PDE4D: variants seen among roughly 807,000 people sequenced by gnomAD.
The protein encoded by PDE4D is 3',5'-cyclic-AMP phosphodiesterase 4D.
A neutral mutation model predicts 87.4 loss-of-function variants in PDE4D; 24 were observed. The observed-to-expected ratio is 0.27, with a 90% confidence interval of 0.20 to 0.39. The LOEUF (loss-of-function observed/expected upper bound fraction) is 0.39, where lower values mean the gene tolerates loss of function less well. PDE4D is among the 10% of genes least tolerant of loss of function. PDE4D has a pLI of 1.00. For missense variants in PDE4D, 714 were observed against 1,041.0 expected, an observed-to-expected ratio of 0.69 and a Z score of 4.32; for synonymous variants, 384 against 383.2, an observed-to-expected ratio of 1.00 and a Z score of -0.02.
At chr5:59,187,407 A>G (rs1743165109) in intron 3 of PDE4D, among the ~76,000 whole-genome samples, 1 of 152,172 alleles carries the variant, frequency 6.6e-6, no homozygotes, top group Non-Finnish European at 1.5e-5. Context: ...TAAAAATCAA[A>G]ATTATTATTA....
chr5:60,003,991 A>T (rs1480085601), intron 2 of PDE4D, among the ~76,000 whole-genome samples: 1 of 152,182 alleles, frequency 6.6e-6, no homozygotes, highest in African/African-American at 2.4e-5. Flanking sequence ...AAAGAATGAA[A>T]TTGTATCCAT....
At chr5:60,260,823 C>T (rs951806114) in intron 1 of PDE4D, among the ~76,000 whole-genome samples, 1 of 152,072 alleles carries the variant, frequency 6.6e-6, no homozygotes, top group African/African-American at 2.4e-5. Context: ...CTAGAAGTTT[C>T]ATTTAAAAAC....
At chr5:59,988,353 C>CTTTTTT in intron 3 of PDE4D, 1 of 456,940 alleles carries the variant, frequency 2.2e-6, no homozygotes, top group Non-Finnish European at 3.9e-6. Context: ...GAAATTCATC[C>CTTTTTT]TTTTTTTTTT....
intron 2 of PDE4D, among the ~76,000 whole-genome samples, chr5:60,002,118 TA>T (rs1231266747): frequency 6.6e-6 from 1 of 151,568 alleles, no homozygotes; most frequent in Non-Finnish European, 1.5e-5. Flanking sequence ...CTGAATGAAT[TA>T]AAAAAAATCC....
intron 1 of PDE4D, among the ~76,000 whole-genome samples, chr5:59,360,157 T>C (rs1781984214): frequency 6.6e-6 from 1 of 152,120 alleles, no homozygotes; most frequent in Non-Finnish European, 1.5e-5. Flanking sequence ...TGAATAAAAA[T>C]GAAACTCCCA....
At chr5:59,954,846 A>G (rs1758669344) in intron 3 of PDE4D, among the ~76,000 whole-genome samples, 1 of 152,228 alleles carries the variant, frequency 6.6e-6, no homozygotes, top group Non-Finnish European at 1.5e-5. Context: ...TGACGATGTA[A>G]TAAGTGCACA....
rs181621265 is a variant in PDE4D, at chr5:60,110,407, A to T, written c.42+75150T>A. On this transcript the variant is annotated intron_variant, in intron 2 of 16. Coordinates refer to the PDE4D transcript ENST00000502484. ...AAAGACTTGCAAATGGCCAACAGGTATATGAGAAAATGCTGAACATCACTA... is the reference window on the plus strand; with the variant it reads ...AAAGACTTGCAAATGGCCAACAGGTTTATGAGAAAATGCTGAACATCACTA... Among the ~76,000 whole-genome samples the T allele has an allele frequency of 3.3e-3, 498 of 152,248 alleles. 1 individual carries two copies. Among genetic ancestry groups the T allele is most frequent in the African/African-American group, 0.011 (465 of 41,584 alleles).
At chr5:60,044,335 C>A (rs947545250) in intron 2 of PDE4D, among the ~76,000 whole-genome samples, 13 of 150,690 alleles carry the variant, frequency 8.6e-5, no homozygotes, top group African/African-American at 3.2e-4. Context: ...TTCTTAACAT[C>A]TTTGACACTT....
chr5:58,979,044 G>A (rs776288813), intron 11 of PDE4D, among the ~76,000 whole-genome samples: 41 of 152,150 alleles, frequency 2.7e-4, no homozygotes, highest in Non-Finnish European at 4.4e-4. Context: ...TAACAGAATT[G>A]ACTTAGCCTT....
At chr5:59,563,398 T>C in intron 1 of PDE4D, among the ~76,000 whole-genome samples, 1 of 152,180 alleles carries the variant, frequency 6.6e-6, no homozygotes, top group East Asian at 1.9e-4. Flanking sequence ...AAGAATGCAA[T>C]TATCTGCAGC....
intron 1 of PDE4D, among the ~76,000 whole-genome samples, chr5:60,461,336 A>C (rs994836618): frequency 1.3e-5 from 2 of 152,156 alleles, no homozygotes; most frequent in Non-Finnish European, 2.9e-5. Flanking sequence ...ATTTACCTCC[A>C]GGACTATGCG....
At chr5:59,836,825 C>T (rs955012129) in intron 1 of PDE4D, among the ~76,000 whole-genome samples, 3 of 151,896 alleles carry the variant, frequency 2.0e-5, no homozygotes, top group Non-Finnish European at 4.4e-5. Context: ...TGTTTTGTGT[C>T]GATATGGGGA....
intron 1 of PDE4D, among the ~76,000 whole-genome samples, chr5:59,404,828 G>T (rs1791344738): frequency 6.6e-6 from 1 of 152,110 alleles, no homozygotes; most frequent in South Asian, 2.1e-4. Context: ...TCATTCTTCT[G>T]CATATAGATA....
chr5:59,938,180 A>G (rs908609540), intron 3 of PDE4D, among the ~76,000 whole-genome samples: 3 of 152,140 alleles, frequency 2.0e-5, no homozygotes. Context: ...GCACCCTTCA[A>G]TTGCATTCAG....
intron 2 of PDE4D, among the ~76,000 whole-genome samples, chr5:60,082,438 A>AAT (rs2152904582): frequency 1.3e-5 from 2 of 152,298 alleles, no homozygotes; most frequent in East Asian, 3.9e-4. Context: ...TTTGTTGCTT[A>AAT]AGCCACCTAA....
chr5:59,821,433 A>T (rs1391521037), intron 1 of PDE4D, among the ~76,000 whole-genome samples: 2 of 151,684 alleles, frequency 1.3e-5, no homozygotes, highest in Admixed American at 1.3e-4. Context: ...GGAGACATCC[A>T]TTTACACACT....
At chr5:59,421,188 T>C (rs1582516072) in intron 1 of PDE4D, among the ~76,000 whole-genome samples, 1 of 152,240 alleles carries the variant, frequency 6.6e-6, no homozygotes, top group East Asian at 1.9e-4. Context: ...ATCATGAAAA[T>C]TAGGCAAATT....
chr5:59,190,646 T>A lies in PDE4D; in HGVS notation c.684+2854A>T, dbSNP rs556843464. Among the ~76,000 whole-genome samples the A allele has an allele frequency of 5.8e-4, 88 of 152,298 alleles. 1 individual carries two copies. The highest frequency in any genetic ancestry group is 7.6e-4 in the Non-Finnish European group (52 of 68,020). On this transcript the variant is annotated intron_variant, in intron 3 of 14. Transcript: ENST00000340635. ...TTAATGCTAAAATAGCACTTACCAT[T>A]AAGTGGTAAGTGCTTTACTTTGTAT... is the stretch of plus-strand genomic sequence containing the variant.
intron 1 of PDE4D, among the ~76,000 whole-genome samples, chr5:59,886,493 G>A (rs951528271): frequency 4.0e-5 from 6 of 151,264 alleles, no homozygotes; most frequent in Non-Finnish European, 8.8e-5. Flanking sequence ...CTCCAGCTCG[G>A]ACGATAAATA....
Sources: gnomAD v4.1 joint callset for allele counts (sites outside exome capture counted in the v4.1 genomes callset) on GRCh38, gnomAD v4.1.1 for gene constraint, MANE v1.5 for transcripts, NCBI Gene and HGNC (gene_info 2026-07-23, HGNC 2026-07-21) for gene names.